BUB3: variants seen among roughly 807,000 people sequenced by gnomAD.
BUB3 encodes the protein mitotic checkpoint protein BUB3.
Under a neutral mutation model 39.9 loss-of-function variants are expected in BUB3, and 22 were observed. The observed-to-expected ratio is 0.55, with a 90% CI of 0.39 to 0.79. The LOEUF (loss-of-function observed/expected upper bound fraction) is 0.79. BUB3 is among the 30% of genes least tolerant of loss of function. The probability of loss-of-function intolerance (pLI) is 0.00; values close to 1 mark genes in which losing one functional copy is unlikely to be tolerated. For synonymous variants in BUB3, 168 were observed against 155.1 expected (o/e 1.08, Z -0.62); for missense variants, 303 against 415.4 (o/e 0.73, Z 2.35).
At chr10:123,162,215 C>T (rs1305869949) in intron 5 of BUB3, 21 bp from the exon 6 acceptor site, 6 of 1,584,878 alleles carry the variant, frequency 3.8e-6, no homozygotes, top group Admixed American at 3.8e-5. Context: ...CCATTTTTTT[C>T]CTCTGGTTCT....
chr10:123,156,694 G>A (rs1321563469), intron 3 of BUB3, among the ~76,000 whole-genome samples: 1 of 151,712 alleles, frequency 6.6e-6, no homozygotes, highest in African/African-American at 2.4e-5. Context: ...TAGAGAATTA[G>A]CTGTTTATTC....
rs764467982 is a variant in BUB3 at position 123,162,301 on chromosome 10, A to T, written c.642A>T (p.Val214=). ...AVEYLDPSPE[V]QKKKYAFKCH... ...AGTATTTGGACCCAAGCCCTGAGGTACAGAAGAAGAAGTATGCCTTCAAAT... is the reference window on the plus strand; with the variant it reads ...AGTATTTGGACCCAAGCCCTGAGGTTCAGAAGAAGAAGTATGCCTTCAAAT... The change falls in exon 6 of 8, where the codon GTA becomes GTT. Residue 214 remains valine (V), a synonymous_variant. Coordinates refer to ENST00000368865, the MANE Select transcript of BUB3 (RefSeq NM_004725.4). 10 of 1,614,050 alleles carry T rather than the reference A, an allele frequency of 6.2e-6. No individual in the cohort carries two copies. The African/African-American group carries it at 1.3e-4, about 22-fold the overall frequency.
At chr10:123,159,085 C>T (rs997787774) in intron 4 of BUB3, among the ~76,000 whole-genome samples, 5 of 152,256 alleles carry the variant, frequency 3.3e-5, no homozygotes, top group Non-Finnish European at 5.9e-5. Context: ...CATTTTACTG[C>T]AAACATTTTG....
Position 123,154,923 on chromosome 10 carries a change from CG to C in BUB3, c.8del (p.Gly3ValfsTer7). 6.2e-7 allele frequency: 1 copy of C among 1,612,468 alleles called. No individual in the cohort carries two copies. On this transcript the variant is annotated frameshift_variant, in exon 2 of 8. Transcript: ENST00000368865. LOFTEE classifies it high-confidence loss of function. MT[G>X]SNEFKLNQPP... ...TCTGGGCGCCTGTTCTGCAGATGAC[CG>C]GTTCTAACGAGTTCAAGCTGAACCA...
At chr10:123,159,700 T>C (rs940342971) in intron 4 of BUB3, among the ~76,000 whole-genome samples, 8 of 152,226 alleles carry the variant, frequency 5.3e-5, no homozygotes, top group African/African-American at 1.9e-4. Flanking sequence ...GATACACTAC[T>C]TTTAAAAATT....
intron 5 of BUB3, among the ~76,000 whole-genome samples, chr10:123,161,265 G>A (rs1202472687): frequency 1.3e-5 from 2 of 152,152 alleles, no homozygotes; most frequent in African/African-American, 2.4e-5. Flanking sequence ...GGTGTCTCTG[G>A]TATCTTATGG....
chr10:123,155,528 G>C lies in BUB3; in HGVS notation c.196-130G>C, dbSNP rs568586725. 133 of 821,600 alleles carry C rather than the reference G, an allele frequency of 1.6e-4. 4 individuals are homozygous for C. In the Middle Eastern group the frequency reaches 4.3e-3, roughly 26 times the overall value. 50.9% of individuals were successfully genotyped at this position (821,600 alleles called of 1,614,324 possible). On this transcript the variant is annotated intron_variant, in intron 2 of 7. Transcript: ENST00000368865. ...ACTTGCTTTTTTATGCTGTTTTTTG[G>C]TTTGTTTACCATGAATAGTTGAGCC...
chr10:123,164,015 G>A lies in BUB3; in HGVS notation c.*180G>A. 1.5e-6 allele frequency: 2 copies of A among 1,302,356 alleles called. No individual in the cohort carries two copies. Among genetic ancestry groups the A allele is most frequent in the Non-Finnish European group, 2.0e-6 (2 of 1,024,210 alleles). The allele number at this position is 1,302,356 out of a possible 1,614,324, so 80.7% of individuals were successfully genotyped here. A position where few individuals can be genotyped will look rare whatever the true frequency, so the allele number is the denominator to read the frequency against. Reference sequence around the variant, plus strand: ...TTTTTAAATAAACACCTTCTTAAGTGCATGAGATGGTTTGATGGTTTGCTG... The same window carrying A: ...TTTTTAAATAAACACCTTCTTAAGTACATGAGATGGTTTGATGGTTTGCTG... On this transcript the variant is annotated 3_prime_UTR_variant, in exon 8 of 8. Transcript: ENST00000368865.
Position 123,163,963 on chromosome 10 carries a change from A to G in BUB3, c.*128A>G. 1.5e-6 allele frequency: 2 copies of G among 1,327,536 alleles called. No homozygotes were observed. Among genetic ancestry groups the G allele is most frequent in the Non-Finnish European group, 2.0e-6 (2 of 1,023,798 alleles). 82.2% of individuals were successfully genotyped at this position (1,327,536 alleles called of 1,614,324 possible). A position where few individuals can be genotyped will look rare whatever the true frequency, so the allele number is the denominator to read the frequency against. ...TTTAATATTATAACAACCTGAAAAT[A>G]ATGGAAAAGAGGTTTTTGAATTTTT... is the stretch of plus-strand genomic sequence containing the variant. On this transcript the variant is annotated 3_prime_UTR_variant, in exon 8 of 8. Coordinates refer to ENST00000368865, the MANE Select transcript of BUB3 (RefSeq NM_004725.4).
Position 123,163,852 on chromosome 10 carries a change from T to TA in BUB3, c.*19dup. 6.2e-7 allele frequency: 1 copy of TA among 1,604,458 alleles called. No individual in the cohort carries two copies. ...TGTACTTGACAAGATTTCATTTACTTAAGTGCCATGTTGATGATAATAAAA... is the reference window on the plus strand; with the variant it reads ...TGTACTTGACAAGATTTCATTTACTTAAAGTGCCATGTTGATGATAATAAAA... On this transcript the variant is annotated 3_prime_UTR_variant, in exon 8 of 8. Coordinates refer to ENST00000368865, the MANE Select transcript of BUB3 (RefSeq NM_004725.4).
In BUB3 at chr10:123,164,966, GT is replaced by G; in HGVS notation, c.*1132del. 1 of 1,510,866 alleles carries G rather than the reference GT, an allele frequency of 6.6e-7. No homozygotes were observed. Among genetic ancestry groups the G allele is most frequent in the Non-Finnish European group, 8.7e-7 (1 of 1,144,804 alleles). 93.6% of individuals were successfully genotyped at this position (1,510,866 alleles called of 1,614,324 possible). On this transcript the variant is annotated 3_prime_UTR_variant, in exon 8 of 8. Coordinates refer to ENST00000368865, the MANE Select transcript of BUB3 (RefSeq NM_004725.4). ...TTTAATTCTTTTGATACAGAGAAGG[GT>G]CTTTTTTTTTTTAAGTATTTCAGTG...
At position 123,165,310 on chromosome 10, in the gene BUB3, A is replaced by G. The variant is rs1394327298; in HGVS notation, c.*1475A>G. 1 of 412,870 alleles carries G rather than the reference A, an allele frequency of 2.4e-6. No homozygotes were observed. The highest frequency in any genetic ancestry group is 3.5e-5 in the East Asian group (1 of 28,512). 25.6% of individuals were successfully genotyped at this position (412,870 alleles called of 1,614,324 possible). A position where few individuals can be genotyped will look rare whatever the true frequency, so the allele number is the denominator to read the frequency against. On this transcript the variant is annotated 3_prime_UTR_variant, in exon 8 of 8. Transcript: ENST00000368865. Reference sequence around the variant, plus strand: ...TCTGAACAGTTTGAGCTCTTTTTGTAATATACTCTAAACCTGTTATTTCTG... The same window carrying G: ...TCTGAACAGTTTGAGCTCTTTTTGTGATATACTCTAAACCTGTTATTTCTG...
intron 4 of BUB3, among the ~76,000 whole-genome samples, chr10:123,159,944 T>A (rs1844399350): frequency 6.6e-6 from 1 of 152,230 alleles, no homozygotes; most frequent in Non-Finnish European, 1.5e-5. Context: ...AAATGAAATA[T>A]TCTAAAAGGT....
chr10:123,161,884 A>C (rs10902884), intron 5 of BUB3, among the ~76,000 whole-genome samples: 12,538 of 152,276 alleles, frequency 0.082, 633 homozygotes, highest in South Asian at 0.12. Flanking sequence ...GAGGCACAGA[A>C]CATAGAAGAA....
In BUB3 at chr10:123,170,095, T is replaced by C. The variant is rs564585000; in HGVS notation, c.*6260T>C. 5.3e-5 allele frequency: 8 copies of C among 152,298 alleles called. No homozygotes were observed. The highest frequency in any genetic ancestry group is 3.4e-3 in the Middle Eastern group (1 of 294). The allele number at this position is 152,298 out of a possible 1,614,324, so 9.4% of individuals were successfully genotyped here. ...AAATTTCTGAGCCTTATTTTCCTCA[T>C]CTGTAAAATGAAGAGAATACCTAGC... On this transcript the variant is annotated 3_prime_UTR_variant, in exon 8 of 8. Coordinates refer to ENST00000368865, the MANE Select transcript of BUB3 (RefSeq NM_004725.4).
chr10:123,158,016 T>C, intron 4 of BUB3, 136 bp downstream of exon 4: 1 of 990,862 alleles, frequency 1.0e-6, no homozygotes, highest in Non-Finnish European at 1.4e-6. Context: ...CAGTTGGTTT[T>C]ATAAATCCAA....
rs1844504971 is a variant in BUB3 at position 123,167,318 on chromosome 10, A to C, written c.*3483A>C. The C allele has an allele frequency of 6.6e-6, 1 of 152,174 alleles. No individual in the cohort carries two copies. Among genetic ancestry groups the C allele is most frequent in the Admixed American group, 6.5e-5 (1 of 15,282 alleles). The allele number at this position is 152,174 out of a possible 1,614,324, so 9.4% of individuals were successfully genotyped here. A position where few individuals can be genotyped will look rare whatever the true frequency, so the allele number is the denominator to read the frequency against. ...TCAGGATTTAATTTGAATCCTGCAA[A>C]GTCCTGTTCAAGGCCCCCTTTTCCA... is the stretch of plus-strand genomic sequence containing the variant. On this transcript the variant is annotated 3_prime_UTR_variant, in exon 8 of 8. Transcript: ENST00000368865.
Position 123,164,478 on chromosome 10 carries a change from CAATT to C in BUB3, c.*645_*648del. ...CCTAATATCATTTTGTGACTGTAAA[CAATT>C]ATTTATTAGCAAACAATTGATCCCA... On this transcript the variant is annotated 3_prime_UTR_variant, in exon 8 of 8. Coordinates refer to ENST00000368865, the MANE Select transcript of BUB3 (RefSeq NM_004725.4). 2.0e-6 allele frequency: 2 copies of C among 985,584 alleles called. No homozygotes were observed. The highest frequency in any genetic ancestry group is 2.4e-6 in the Non-Finnish European group (2 of 830,100). 61.1% of individuals were successfully genotyped at this position (985,584 alleles called of 1,614,324 possible).
Position 123,163,827 on chromosome 10 carries a change from T to C in BUB3, c.979T>C (p.Cys327Arg). 6.2e-7 allele frequency: 1 copy of C among 1,608,780 alleles called. No homozygotes were observed. The highest frequency in any genetic ancestry group is 8.5e-7 in the Non-Finnish European group (1 of 1,175,792). Reference protein sequence around the residue: ...TDAETKPKSPCT With the variant: ...TDAETKPKSPRT ...TTTCTTTTGAACTTGTAGGTCACCA[T>C]GTACTTGACAAGATTTCATTTACTT... is the stretch of plus-strand genomic sequence containing the variant. Residue 327 changes from cysteine (C) to arginine (R), a missense_variant, in exon 8 of 8, where the codon TGT becomes CGT. Coordinates refer to ENST00000368865, the MANE Select transcript of BUB3 (RefSeq NM_004725.4).
Sources: allele counts gnomAD v4.1 joint callset (sites outside exome capture counted in the v4.1 genomes callset), GRCh38; gene constraint gnomAD v4.1.1; transcripts MANE v1.5; gene names NCBI Gene and HGNC (gene_info 2026-07-23, HGNC 2026-07-21).